Variants in CNTN6 observed in about 807,000 individuals in gnomAD.
The protein encoded by CNTN6 is contactin-6.
CNTN6 carries 137 observed loss-of-function variants against 122.8 expected under a neutral mutation model. The ratio of observed to expected loss-of-function variants is 1.12; its 90% confidence interval spans 0.97 to 1.29. The LOEUF (loss-of-function observed/expected upper bound fraction) is 1.29. CNTN6 is among the 50% of genes most tolerant of loss of function. The probability of loss-of-function intolerance (pLI) is 0.00; values close to 1 mark genes in which losing one functional copy is unlikely to be tolerated. For synonymous variants in CNTN6, 570 were observed against 426.0 expected, an observed-to-expected ratio of 1.34 and a Z score of -4.16; for missense variants, 1,634 against 1,223.4, an observed-to-expected ratio of 1.34 and a Z score of -5.01.
chr3:1,115,351 T>C (rs2091672297), intron 1 of CNTN6, among the ~76,000 whole-genome samples: 1 of 152,134 alleles, frequency 6.6e-6, no homozygotes, highest in African/African-American at 2.4e-5. Flanking sequence ...CCCAACTAAG[T>C]AATTACTGGC....
At chr3:1,202,461 A>AC (rs71062554) in intron 2 of CNTN6, among the ~76,000 whole-genome samples, 1 of 150,926 alleles carries the variant, frequency 6.6e-6, no homozygotes, top group Non-Finnish European at 1.5e-5. Flanking sequence ...AATGGCGGGA[A>AC]CCCCGGGGGG....
intron 11 of CNTN6, among the ~76,000 whole-genome samples, chr3:1,347,191 C>T (rs548542766): frequency 6.6e-6 from 1 of 152,070 alleles, no homozygotes; most frequent in Admixed American, 6.6e-5. Flanking sequence ...TTGCATGGTA[C>T]AATACAAACG....
intron 11 of CNTN6, among the ~76,000 whole-genome samples, chr3:1,343,205 G>A (rs1704151987): frequency 6.6e-6 from 1 of 152,042 alleles, no homozygotes; most frequent in Admixed American, 6.6e-5. Context: ...TACAAAACTT[G>A]TTCATGGACT....
chr3:1,294,881 G>A (rs1374440999), intron 5 of CNTN6, among the ~76,000 whole-genome samples: 1 of 152,102 alleles, frequency 6.6e-6, no homozygotes, highest in East Asian at 1.9e-4. Context: ...GCAGTAACTG[G>A]TGTGACCTTT....
chr3:1,206,874 C>T (rs572321785), intron 2 of CNTN6, among the ~76,000 whole-genome samples: 1 of 152,254 alleles, frequency 6.6e-6, no homozygotes, highest in East Asian at 1.9e-4. Context: ...TAGTCCATCA[C>T]TCTCATAGGA....
At chr3:1,381,261 A>T (rs1691835764) in intron 17 of CNTN6, among the ~76,000 whole-genome samples, 1 of 152,236 alleles carries the variant, frequency 6.6e-6, no homozygotes, top group African/African-American at 2.4e-5. Context: ...TGCCATTCAA[A>T]ATTAACTGGT....
chr3:1,182,136 A>T (rs996945083), intron 2 of CNTN6, among the ~76,000 whole-genome samples: 1 of 152,168 alleles, frequency 6.6e-6, no homozygotes, highest in African/African-American at 2.4e-5. Flanking sequence ...TTTCTTAACT[A>T]TTTTCAGCTA....
chr3:1,116,533 C>G (rs944618777), intron 1 of CNTN6, among the ~76,000 whole-genome samples: 1 of 151,982 alleles, frequency 6.6e-6, no homozygotes, highest in African/African-American at 2.4e-5. Context: ...CAGTGGACAA[C>G]ATTTGTATAG....
chr3:1,204,728 A>G (rs1283774908), intron 2 of CNTN6, among the ~76,000 whole-genome samples: 1 of 152,192 alleles, frequency 6.6e-6, no homozygotes, highest in Non-Finnish European at 1.5e-5. Context: ...GATGATCAAC[A>G]TTAGTGCCTT....
intron 21 of CNTN6, 100 bp downstream of exon 21, chr3:1,401,645 C>G (rs1241882248): frequency 2.8e-6 from 2 of 717,732 alleles, no homozygotes; most frequent in Admixed American, 3.1e-5. Flanking sequence ...TATGGAAACA[C>G]TGGAATCTTT....
intron 2 of CNTN6, among the ~76,000 whole-genome samples, chr3:1,199,522 C>A (rs1428786686): frequency 2.6e-5 from 4 of 152,000 alleles, no homozygotes; most frequent in Non-Finnish European, 1.5e-5. Flanking sequence ...AAATTGGTTG[C>A]AGCAGCACTA....
chr3:1,174,635 T>C (rs768921771), intron 2 of CNTN6, among the ~76,000 whole-genome samples: 4 of 151,360 alleles, frequency 2.6e-5, no homozygotes, highest in Non-Finnish European at 5.9e-5. Context: ...AGTGTGAACT[T>C]TGGAGTCCAC....
intron 20 of CNTN6, among the ~76,000 whole-genome samples, chr3:1,396,804 TTGA>T (rs1396086464): frequency 1.3e-5 from 2 of 152,212 alleles, no homozygotes; most frequent in Non-Finnish European, 2.9e-5. Flanking sequence ...TACTGAAACA[TTGA>T]TGATAACCAT....
intron 2 of CNTN6, chr3:1,173,173 T>G (rs1232573450): frequency 6.6e-6 from 3 of 455,508 alleles, no homozygotes; most frequent in Non-Finnish European, 1.3e-5. Context: ...AGAGGACATT[T>G]TGAAGGATCA....
At chr3:1,347,194 T>C (rs17193299) in intron 11 of CNTN6, among the ~76,000 whole-genome samples, 4,963 of 152,256 alleles carry the variant, frequency 0.033, 116 homozygotes, top group South Asian at 0.056. Flanking sequence ...CATGGTACAA[T>C]ACAAACGCTA....
chr3:1,225,288 C>T (rs761242738), intron 3 of CNTN6, among the ~76,000 whole-genome samples: 1 of 152,134 alleles, frequency 6.6e-6, no homozygotes, highest in Non-Finnish European at 1.5e-5. Context: ...AATACTGTTT[C>T]TCCATTGATT....
chr3:1,261,636 G>A (rs1035563932), intron 4 of CNTN6, among the ~76,000 whole-genome samples: 1 of 152,112 alleles, frequency 6.6e-6, no homozygotes, highest in Non-Finnish European at 1.5e-5. Flanking sequence ...ACCCTCTAAC[G>A]TAACTGTCCC....
At chr3:1,110,557 A>T (rs987757168) in intron 1 of CNTN6, among the ~76,000 whole-genome samples, 2 of 152,160 alleles carry the variant, frequency 1.3e-5, no homozygotes, top group Non-Finnish European at 2.9e-5. Context: ...ATTTGGGGAA[A>T]AAGAAATTCC....
At chr3:1,149,388 C>T (rs2092791089) in intron 2 of CNTN6, among the ~76,000 whole-genome samples, 2 of 149,098 alleles carry the variant, frequency 1.3e-5, no homozygotes, top group African/African-American at 5.1e-5. Context: ...AATACATTGA[C>T]AGACATGCAG....
Sources: allele counts gnomAD v4.1 joint callset (sites outside exome capture counted in the v4.1 genomes callset), GRCh38; gene constraint gnomAD v4.1.1; transcripts MANE v1.5; gene names NCBI Gene and HGNC (gene_info 2026-07-23, HGNC 2026-07-21).